The following HERC4 variants were observed in gnomAD, a reference collection of about 807,000 sequenced individuals.
The protein encoded by HERC4 is probable E3 ubiquitin-protein ligase HERC4.
Under a neutral mutation model 124.3 loss-of-function variants are expected in HERC4, and 28 were observed. The ratio of observed to expected loss-of-function variants is 0.23; its 90% CI spans 0.17 to 0.31. HERC4 has a LOEUF of 0.31. Among genes scored for constraint, HERC4 ranks in the 10% least tolerant of loss-of-function variants. The pLI is 1.00. For missense variants in HERC4, 713 were observed against 1,229.3 expected, an observed-to-expected ratio of 0.58 and a Z score of 6.28; for synonymous variants, 407 against 421.5, an observed-to-expected ratio of 0.97 and a Z score of 0.42.
chr10:68,049,653 T>C (rs977416707), intron 3 of HERC4, among the ~76,000 whole-genome samples: 3 of 144,424 alleles, frequency 2.1e-5, no homozygotes, highest in African/African-American at 7.9e-5. Flanking sequence ...CAGTGGCTCA[T>C]GCCACCTAGC....
At chr10:68,023,352 T>A (rs1033158706) in intron 8 of HERC4, among the ~76,000 whole-genome samples, 11 of 152,306 alleles carry the variant, frequency 7.2e-5, no homozygotes, top group African/African-American at 2.6e-4. Flanking sequence ...TGGAATGCTG[T>A]TCAGCCTTTT....
At chr10:68,036,427 C>T (rs893523529) in intron 5 of HERC4, among the ~76,000 whole-genome samples, 2 of 151,930 alleles carry the variant, frequency 1.3e-5, no homozygotes, top group African/African-American at 4.8e-5. Flanking sequence ...TCAGTAAAAC[C>T]TTTGAGTTTA....
At chr10:68,025,336 T>C (rs1031079427) in intron 8 of HERC4, among the ~76,000 whole-genome samples, 1 of 152,164 alleles carries the variant, frequency 6.6e-6, no homozygotes, top group Non-Finnish European at 1.5e-5. Flanking sequence ...TATTAACATC[T>C]TGCCTCAGCT....
chr10:68,066,747 T>C (rs1384422921), intron 3 of HERC4, among the ~76,000 whole-genome samples: 6 of 152,144 alleles, frequency 3.9e-5, no homozygotes, highest in Non-Finnish European at 8.8e-5. Context: ...ATATACAATA[T>C]ATAACAGAAA....
intron 11 of HERC4, 25 bp downstream of exon 11, chr10:67,992,174 G>A (rs1238870996): frequency 1.2e-6 from 2 of 1,609,056 alleles, no homozygotes; most frequent in Non-Finnish European, 1.7e-6. Flanking sequence ...GAGCCACTGT[G>A]CCTGGCCCAA....
At chr10:67,926,024 A>T (rs2030889939) in intron 23 of HERC4, among the ~76,000 whole-genome samples, 1 of 152,168 alleles carries the variant, frequency 6.6e-6, no homozygotes, top group Admixed American at 6.5e-5. Context: ...ATGAAACAAG[A>T]GTTTCATTGT....
intron 19 of HERC4, among the ~76,000 whole-genome samples, chr10:67,952,925 C>A (rs559792536): frequency 3.8e-4 from 57 of 151,460 alleles, no homozygotes; most frequent in Middle Eastern, 6.8e-3. Context: ...AAAAAAGACA[C>A]CTAAATTGCA....
chr10:67,964,676 A>G (rs597889), intron 16 of HERC4: 81,438 of 151,966 alleles, frequency 0.54, 23,503 homozygotes, highest in Non-Finnish European at 0.66. Flanking sequence ...CAAATTCCTA[A>G]TCCTAGTTTA....
At chr10:68,013,926 G>A (rs889080225) in intron 9 of HERC4, 100 bp downstream of exon 9, 1 of 1,008,412 alleles carries the variant, frequency 9.9e-7, no homozygotes, top group Non-Finnish European at 1.4e-6. Context: ...ACTTAACAAT[G>A]TATCTTGGAA....
At chr10:67,979,267 T>C (rs1160409978) in intron 15 of HERC4, among the ~76,000 whole-genome samples, 2 of 151,982 alleles carry the variant, frequency 1.3e-5, no homozygotes, top group Admixed American at 6.6e-5. Flanking sequence ...ACCAGATAAA[T>C]TTAACAAAGA....
chr10:67,946,348 AACACACACAC>A (rs58692888), intron 19 of HERC4, among the ~76,000 whole-genome samples: 3,237 of 128,500 alleles, frequency 0.025, 95 homozygotes, highest in East Asian at 0.072. Context: ...ATAAAACACA[AACACACACAC>A]ACACACACAC....
Position 68,072,956 on chromosome 10 carries a change from A to T in HERC4, c.153T>A (p.Asp51Glu), listed in dbSNP as rs2041641950. The change falls in exon 3 of 25, where the codon GAT becomes GAA. Residue 51 changes from aspartate (D) to glutamate (E), a missense_variant. By Grantham distance (45) the Asp-to-Glu change is conservative (BLOSUM62 2). Coordinates refer to ENST00000373700, the MANE Select transcript of HERC4 (RefSeq NM_015601.4). ...CGLRHTVFVL[D>E]DGTVYTCGCN... Reference sequence around the variant, plus strand: ...ATCCACATGTGTACACTGTTCCATCATCCAGAACAAACACAGTATGTCTGA... The same window carrying T: ...ATCCACATGTGTACACTGTTCCATCTTCCAGAACAAACACAGTATGTCTGA... 6.2e-7 allele frequency: 1 copy of T among 1,614,084 alleles called. No individual in the cohort carries two copies. Among genetic ancestry groups the T allele is most frequent in the Non-Finnish European group, 8.5e-7 (1 of 1,179,948 alleles).
At chr10:67,975,403 A>AT (rs1271181887) in intron 15 of HERC4, among the ~76,000 whole-genome samples, 5 of 151,026 alleles carry the variant, frequency 3.3e-5, no homozygotes, top group East Asian at 3.9e-4. Context: ...CATGCATTCT[A>AT]TTTTTTTTTG....
chr10:67,998,399 T>C (rs1358252655), intron 9 of HERC4, among the ~76,000 whole-genome samples: 1 of 151,372 alleles, frequency 6.6e-6, no homozygotes, highest in Non-Finnish European at 1.5e-5. Context: ...AATACAAAAA[T>C]TAGCTGGGTG....
intron 4 of HERC4, among the ~76,000 whole-genome samples, chr10:68,043,660 C>T (rs1302984862): frequency 6.6e-6 from 1 of 151,888 alleles, no homozygotes. Flanking sequence ...ACTAAAAATA[C>T]AAAAAATTAG....
intron 23 of HERC4, among the ~76,000 whole-genome samples, chr10:67,926,153 G>T (rs1294261603): frequency 6.6e-6 from 1 of 152,204 alleles, no homozygotes; most frequent in African/African-American, 2.4e-5. Flanking sequence ...CCAGCACTTT[G>T]GGTGTCCAAG....
At chr10:68,069,159 T>C in intron 3 of HERC4, 1 of 968,080 alleles carries the variant, frequency 1.0e-6, no homozygotes, top group Non-Finnish European at 1.2e-6. Context: ...AAGGATCTTG[T>C]AAAGAAAAGT....
At chr10:68,050,428 ATT>A in intron 3 of HERC4, among the ~76,000 whole-genome samples, 1 of 152,308 alleles carries the variant, frequency 6.6e-6, no homozygotes, top group East Asian at 1.9e-4. Flanking sequence ...TATTAAAACC[ATT>A]GTTTTCATTT....
intron 5 of HERC4, among the ~76,000 whole-genome samples, chr10:68,035,577 C>T (rs1160829622): frequency 1.3e-5 from 2 of 152,142 alleles, no homozygotes; most frequent in Non-Finnish European, 2.9e-5. Context: ...TAATATTGCT[C>T]ACCCCAAAAA....
Sources: gnomAD v4.1 joint callset for allele counts (sites outside exome capture counted in the v4.1 genomes callset) on GRCh38, gnomAD v4.1.1 for gene constraint, MANE v1.5 for transcripts, NCBI Gene and HGNC (gene_info 2026-07-23, HGNC 2026-07-21) for gene names.